Variants in PCDHA3 observed in about 807,000 individuals in gnomAD.
PCDHA3 encodes protocadherin alpha-3.
In PCDHA3, 41 loss-of-function variants were observed where a neutral mutation model predicts 62.2. The ratio of observed to expected loss-of-function variants is 0.66; its 90% CI spans 0.51 to 0.86. PCDHA3 has a LOEUF of 0.86. Among genes scored for constraint, PCDHA3 ranks in the 40% least tolerant of loss-of-function variants. The pLI is 0.00. For synonymous variants in PCDHA3, 640 were observed against 555.4 expected, an observed-to-expected ratio of 1.15 and a Z score of -2.14; for missense variants, 1,304 against 1,241.2, an observed-to-expected ratio of 1.05 and a Z score of -0.76.
chr5:140,877,467 G>T (rs1554169776), intron 1 of PCDHA3: 2 of 1,613,868 alleles, frequency 1.2e-6, no homozygotes, highest in Non-Finnish European at 1.7e-6. Flanking sequence ...CGGCCACGGT[G>T]CTGGTGTCGC....
At chr5:140,823,208 C>A (rs1767602196) in intron 1 of PCDHA3, 1 of 1,613,840 alleles carries the variant, frequency 6.2e-7, no homozygotes, top group Non-Finnish European at 8.5e-7. Flanking sequence ...ACGGTGTCTG[C>A]ACGGGACGCG....
rs35680913 is a variant in PCDHA3 at position 140,961,887 on chromosome 5, GT to G, written c.2395-17048del. Among the ~76,000 whole-genome samples, 881 of 143,912 alleles carry G rather than the reference GT, an allele frequency of 6.1e-3. 6 individuals carry two copies. The highest frequency in any genetic ancestry group is 0.018 in the African/African-American group (705 of 39,388). The allele number at this position is 143,912 out of a possible 152,430, so 94.4% of individuals were successfully genotyped here. ...ACAGATAATTGACTTACTTACATCA[GT>G]TTTTTTTTTTTTTGAGATGGAGTCT... On this transcript the variant is annotated intron_variant, in intron 1 of 3. Coordinates refer to ENST00000522353, the MANE Select transcript of PCDHA3 (RefSeq NM_018906.3).
In PCDHA3 at chr5:140,884,016, G is replaced by A. The variant is rs143828814; in HGVS notation, c.2394+80425G>A. 13 of 1,613,090 alleles carry A rather than the reference G, an allele frequency of 8.1e-6. No individual in the cohort carries two copies. In the Admixed American group the frequency reaches 1.2e-4, roughly 14 times the overall value. On this transcript the variant is annotated intron_variant, in intron 1 of 3. Coordinates refer to ENST00000522353, the MANE Select transcript of PCDHA3 (RefSeq NM_018906.3). ...GGCACAGTGAGCGAGCTGATGCCGC[G>A]GTCGGTGGGTGCAGGCCACGTGGTG...
Position 140,949,482 on chromosome 5 carries a change from A to G in PCDHA3, c.2395-29467A>G, listed in dbSNP as rs1435722195. Among the ~76,000 whole-genome samples, 4 of 151,834 alleles carry G rather than the reference A, an allele frequency of 2.6e-5. No homozygotes were observed. The South Asian group carries it at 8.3e-4, about 31-fold the overall frequency. ...TGAAGCCCTGTTATTAGGCACACACATTGATGATTATTATAATTTCCTGAT... is the reference window on the plus strand; with the variant it reads ...TGAAGCCCTGTTATTAGGCACACACGTTGATGATTATTATAATTTCCTGAT... On this transcript the variant is annotated intron_variant, in intron 1 of 3. Transcript: ENST00000522353.
chr5:140,966,710 G>A, intron 1 of PCDHA3: 1 of 1,391,664 alleles, frequency 7.2e-7, no homozygotes, highest in Non-Finnish European at 9.3e-7. Flanking sequence ...GTGGGGCACG[G>A]CTGGGGAAGC....
At chr5:140,804,723 C>A in intron 1 of PCDHA3, 1 of 182,794 alleles carries the variant, frequency 5.5e-6, no homozygotes, top group Non-Finnish European at 1.1e-5. Context: ...TTTTTCTAAT[C>A]ACTACCCCTA....
intron 1 of PCDHA3, among the ~76,000 whole-genome samples, chr5:140,898,272 A>T (rs13177412): frequency 6.6e-6 from 1 of 152,110 alleles, no homozygotes; most frequent in Non-Finnish European, 1.5e-5. Flanking sequence ...CCCATGCCTA[A>T]GTTCTGAATG....
In PCDHA3 at chr5:140,877,192, G is replaced by C. The variant is rs202102698; in HGVS notation, c.2394+73601G>C. 3.5e-4 allele frequency: 559 copies of C among 1,613,846 alleles called. 3 individuals are homozygous for C. The African/African-American group carries it at 6.5e-3, about 19-fold the overall frequency. Reference sequence around the variant, plus strand: ...GCTGGCGACTCCGGCTGGCAGCGCAGGAGGCGCAGTTAGCGAGTTGGTACC... The same window carrying C: ...GCTGGCGACTCCGGCTGGCAGCGCACGAGGCGCAGTTAGCGAGTTGGTACC... On this transcript the variant is annotated intron_variant, in intron 1 of 3. Coordinates refer to ENST00000522353, the MANE Select transcript of PCDHA3 (RefSeq NM_018906.3).
chr5:140,968,293 G>A, intron 1 of PCDHA3: 1 of 1,613,962 alleles, frequency 6.2e-7, no homozygotes, highest in South Asian at 1.1e-5. Flanking sequence ...ACTCCCTTCT[G>A]GAGAGGGAGA....
chr5:140,880,066 C>T (rs1582502313), intron 1 of PCDHA3, among the ~76,000 whole-genome samples: 1 of 152,176 alleles, frequency 6.6e-6, no homozygotes, highest in East Asian at 1.9e-4. Flanking sequence ...TTTTTGGGGA[C>T]CACAATTCAA....
intron 1 of PCDHA3, among the ~76,000 whole-genome samples, chr5:140,902,149 G>T (rs1471758440): frequency 6.8e-6 from 1 of 147,458 alleles, no homozygotes; most frequent in African/African-American, 2.5e-5. Flanking sequence ...AGGATAATTT[G>T]ATTTCTTCCT....
At chr5:140,987,480 A>C (rs1489888830) in intron 3 of PCDHA3, among the ~76,000 whole-genome samples, 2 of 152,192 alleles carry the variant, frequency 1.3e-5, no homozygotes, top group African/African-American at 4.8e-5. Flanking sequence ...CTTGGGAGTC[A>C]GTGACCCTTT....
chr5:141,011,509 G>C lies in PCDHA3; in HGVS notation c.*1572G>C, dbSNP rs2098420853. ...TTTTGTACACCTGTGAAAAAGTGGA[G>C]TAGTGTTTTTTTAACCATTGTTAAT... is the stretch of plus-strand genomic sequence containing the variant. On this transcript the variant is annotated 3_prime_UTR_variant, in exon 4 of 4. Coordinates refer to ENST00000522353, the MANE Select transcript of PCDHA3 (RefSeq NM_018906.3). The C allele has an allele frequency of 6.5e-6, 1 of 153,760 alleles. No individual in the cohort carries two copies. The highest frequency in any genetic ancestry group is 1.5e-5 in the Non-Finnish European group (1 of 68,040). The allele number at this position is 153,760 out of a possible 1,614,324, so 9.5% of individuals were successfully genotyped here.
chr5:140,818,202 T>C (rs2150100495), intron 1 of PCDHA3, among the ~76,000 whole-genome samples: 4 of 152,230 alleles, frequency 2.6e-5, no homozygotes, highest in Non-Finnish European at 2.9e-5. Context: ...AGTACATGTA[T>C]GTTAAATCTT....
chr5:140,973,590 A>G (rs562109843), intron 1 of PCDHA3, among the ~76,000 whole-genome samples: 3 of 152,340 alleles, frequency 2.0e-5, no homozygotes, highest in Non-Finnish European at 4.4e-5. Context: ...GCTGAGCCAG[A>G]TGGAATTATG....
At chr5:140,942,860 G>T (rs1262172468) in intron 1 of PCDHA3, among the ~76,000 whole-genome samples, 15 of 151,964 alleles carry the variant, frequency 9.9e-5, no homozygotes, top group Admixed American at 9.8e-4. Context: ...TGATTATTTT[G>T]CTTTAGCATG....
intron 1 of PCDHA3, chr5:140,860,673 C>A (rs955931174): frequency 1.2e-4 from 18 of 152,210 alleles, no homozygotes; most frequent in African/African-American, 4.3e-4. Context: ...AAATCAAATG[C>A]ACTTATGTTT....
At position 140,807,404 on chromosome 5, in the gene PCDHA3, G is replaced by A. The variant is rs201303975; in HGVS notation, c.2394+3813G>A. ...CCGGGTGGCGTCCAAGGGCCGCGGA[G>A]GCCTTCTGGAGGTAAATCTGCAGAA... On this transcript the variant is annotated intron_variant, in intron 1 of 3. Coordinates refer to ENST00000522353, the MANE Select transcript of PCDHA3 (RefSeq NM_018906.3). 2 of 737,044 alleles carry A rather than the reference G, an allele frequency of 2.7e-6. 1 individual carries two copies. The highest frequency in any genetic ancestry group is 5.5e-5 in the South Asian group (2 of 36,322). The allele number at this position is 737,044 out of a possible 1,614,324, so 45.7% of individuals were successfully genotyped here. A position where few individuals can be genotyped will look rare whatever the true frequency, so the allele number is the denominator to read the frequency against.
At chr5:140,907,773 G>C (rs2073598085) in intron 1 of PCDHA3, among the ~76,000 whole-genome samples, 1 of 152,200 alleles carries the variant, frequency 6.6e-6, no homozygotes, top group Admixed American at 6.5e-5. Flanking sequence ...GGTGATGACA[G>C]GGGTGGCTGG....
Sources: gnomAD v4.1 joint callset for allele counts (sites outside exome capture counted in the v4.1 genomes callset) on GRCh38, gnomAD v4.1.1 for gene constraint, MANE v1.5 for transcripts, NCBI Gene and HGNC (gene_info 2026-07-23, HGNC 2026-07-21) for gene names.